The following CENPC variants were observed in gnomAD, a reference collection of about 807,000 sequenced individuals.
CENPC encodes the protein centromere protein C, also known as CENP-C 1.
CENPC carries 63 observed loss-of-function variants against 112.1 expected under a neutral mutation model. That is an observed-to-expected ratio of 0.56 (90% CI 0.46 to 0.69). The LOEUF (loss-of-function observed/expected upper bound fraction) is 0.69. Ranked by LOEUF, CENPC falls within the 30% of genes least tolerant of loss-of-function variation. CENPC has a pLI of 0.00. For synonymous variants in CENPC, 333 were observed against 367.6 expected (o/e 0.91, Z 1.08); for missense variants, 1,000 against 1,103.8 (o/e 0.91, Z 1.33).
chr4:67,540,477 T>C (rs1726856693), intron 3 of CENPC, among the ~76,000 whole-genome samples: 1 of 152,160 alleles, frequency 6.6e-6, no homozygotes, highest in Non-Finnish European at 1.5e-5. Context: ...GAGACCAGAC[T>C]AGCCAACATG....
chr4:67,504,386 G>T (rs1725678045), intron 12 of CENPC, among the ~76,000 whole-genome samples: 1 of 151,534 alleles, frequency 6.6e-6, no homozygotes, highest in Non-Finnish European at 1.5e-5. Flanking sequence ...TAATGACGGG[G>T]GAAAAATTAA....
chr4:67,482,853 T>C (rs989770487), intron 17 of CENPC, among the ~76,000 whole-genome samples: 1 of 151,992 alleles, frequency 6.6e-6, no homozygotes, highest in Non-Finnish European at 1.5e-5. Context: ...AAATAAATAA[T>C]CTCTTGTAAT....
intron 18 of CENPC, 144 bp from the exon 19 acceptor site, chr4:67,472,819 C>A: frequency 1.0e-6 from 1 of 980,822 alleles, no homozygotes; most frequent in Non-Finnish European, 1.3e-6. Flanking sequence ...TATTTAATTC[C>A]ATGAACTACA....
At chr4:67,521,204 C>CAAAAAAAAAAAAAAAAA (rs71219050) in intron 5 of CENPC, among the ~76,000 whole-genome samples, 2 of 131,454 alleles carry the variant, frequency 1.5e-5, no homozygotes, top group Non-Finnish European at 3.2e-5. Flanking sequence ...CAAAACAAAC[C>CAAAAAAAAAAAAAAAAA]AAAAAAAAAA....
intron 17 of CENPC, among the ~76,000 whole-genome samples, chr4:67,486,973 T>G (rs1217170030): frequency 2.0e-5 from 3 of 149,582 alleles, no homozygotes; most frequent in Admixed American, 6.7e-5. Context: ...TTTAGGTTTT[T>G]TTTTTTTTTT....
chr4:67,524,867 A>C (rs1726328823), intron 5 of CENPC, among the ~76,000 whole-genome samples: 1 of 152,226 alleles, frequency 6.6e-6, no homozygotes, highest in Non-Finnish European at 1.5e-5. Flanking sequence ...CCATATAGCC[A>C]AGACAATCCT....
chr4:67,531,231 C>T (rs905535054), intron 4 of CENPC, among the ~76,000 whole-genome samples: 7 of 151,720 alleles, frequency 4.6e-5, no homozygotes, highest in East Asian at 1.9e-4. Flanking sequence ...ATATTACATA[C>T]GTAACAATGG....
intron 5 of CENPC, among the ~76,000 whole-genome samples, chr4:67,523,249 G>A (rs1726279773): frequency 6.6e-6 from 1 of 152,132 alleles, no homozygotes; most frequent in Non-Finnish European, 1.5e-5. Context: ...GGAGTCAGAA[G>A]TTGCAGTGAG....
At chr4:67,537,252 A>C (rs1006708546) in intron 4 of CENPC, among the ~76,000 whole-genome samples, 15 of 152,220 alleles carry the variant, frequency 9.9e-5, no homozygotes, top group African/African-American at 3.1e-4. Flanking sequence ...TGAAACTATT[A>C]AGTAAAATCT....
intron 12 of CENPC, among the ~76,000 whole-genome samples, chr4:67,499,779 C>T (rs184561947): frequency 1.3e-5 from 2 of 152,322 alleles, no homozygotes; most frequent in African/African-American, 2.4e-5. Context: ...TGGACTATCT[C>T]GGTTTCTGAC....
chr4:67,544,126 A>C, intron 2 of CENPC, 23 bp downstream of exon 2: 1 of 1,295,630 alleles, frequency 7.7e-7, no homozygotes, highest in Non-Finnish European at 1.1e-6. Flanking sequence ...AAATAATCTT[A>C]AAAGCTTAAG....
At position 67,506,852 on chromosome 4, in the gene CENPC, A is replaced by G. The variant is rs375316333; in HGVS notation, c.1987T>C (p.Cys663Arg). 5 of 1,612,376 alleles carry G rather than the reference A, an allele frequency of 3.1e-6. No homozygotes were observed. The highest frequency in any genetic ancestry group is 4.2e-6 in the Non-Finnish European group (5 of 1,178,960). Reference protein sequence around the residue: ...PLKPQTSGYTCNIPTESNLDS... With the variant: ...PLKPQTSGYTRNIPTESNLDS... ...AAGTTTGACTCTGTTGGTATATTAC[A>G]TGTATATCCACTGGTCTGAGGCTTT... is the stretch of plus-strand genomic sequence containing the variant. The change falls in exon 11 of 19, where the codon TGT (cysteine) becomes CGT (arginine). Residue 663 changes from cysteine to arginine, a missense_variant. Physicochemically the swap from Cys to Arg is radical, Grantham distance 180 (BLOSUM62 -3). Transcript: ENST00000273853.
In CENPC at chr4:67,514,331, C is replaced by T. The variant is rs1725988094; in HGVS notation, c.1187G>A (p.Arg396Lys). The change falls in exon 8 of 19, where the codon AGA (arginine) becomes AAA (lysine). Residue 396 changes from arginine to lysine, a missense_variant. Physicochemically the swap from Arg to Lys is conservative, Grantham distance 26. Transcript: ENST00000273853. Reference protein sequence around the residue: ...ALIGETVNNYRSTKYEMYSKN... With the variant: ...ALIGETVNNYKSTKYEMYSKN... ...GGAATACATTTCATATTTTGTAGAT[C>T]TATAATTATTTACTGTTTCACCTAT... The T allele has an allele frequency of 2.5e-6, 4 of 1,611,434 alleles. No individual in the cohort carries two copies. Among genetic ancestry groups the T allele is most frequent in the Non-Finnish European group, 2.5e-6 (3 of 1,178,340 alleles).
chr4:67,497,547 TTTTGAGAC>T (rs1195865781), intron 12 of CENPC, among the ~76,000 whole-genome samples: 1 of 152,150 alleles, frequency 6.6e-6, no homozygotes, highest in Non-Finnish European at 1.5e-5. Flanking sequence ...TGTTTTGGTT[TTTTGAGAC>T]TAAGTCTCAC....
Position 67,480,078 on chromosome 4 carries a change from G to C in CENPC, c.2671-5100C>G, listed in dbSNP as rs140551202. Among the ~76,000 whole-genome samples the C allele has an allele frequency of 3.9e-3, 599 of 152,340 alleles. 3 individuals carry two copies. The highest frequency in any genetic ancestry group is 0.014 in the African/African-American group (564 of 41,582). On this transcript the variant is annotated intron_variant, in intron 17 of 18. Coordinates refer to ENST00000273853, the MANE Select transcript of CENPC (RefSeq NM_001812.4). ...CTGATGCCTGTAATCCCAACACTTTGGGAGGCTGAGGCAGGTGGATTGCCT... is the reference window on the plus strand; with the variant it reads ...CTGATGCCTGTAATCCCAACACTTTCGGAGGCTGAGGCAGGTGGATTGCCT...
intron 4 of CENPC, among the ~76,000 whole-genome samples, chr4:67,538,539 G>C (rs1445531982): frequency 1.3e-5 from 2 of 152,176 alleles, no homozygotes; most frequent in South Asian, 2.1e-4. Flanking sequence ...TGACACACAG[G>C]GGAAATCCTC....
At chr4:67,488,338 A>G (rs1560421712) in intron 17 of CENPC, among the ~76,000 whole-genome samples, 1 of 152,032 alleles carries the variant, frequency 6.6e-6, no homozygotes. Context: ...GTCAAAATTA[A>G]AATATAACCA....
At chr4:67,518,771 T>C (rs1726133227) in intron 6 of CENPC, among the ~76,000 whole-genome samples, 1 of 152,116 alleles carries the variant, frequency 6.6e-6, no homozygotes, top group African/African-American at 2.4e-5. Context: ...GATCTCCAAA[T>C]GCAAAAGACC....
rs1333480607 is a variant in CENPC at position 67,514,755 on chromosome 4, T to G, written c.831-68A>C. The G allele has an allele frequency of 2.2e-6, 3 of 1,393,876 alleles. No homozygotes were observed. The Admixed American group carries it at 8.2e-5, about 38-fold the overall frequency. The allele number at this position is 1,393,876 out of a possible 1,614,324, so 86.3% of individuals were successfully genotyped here. On this transcript the variant is annotated intron_variant, in intron 7 of 18. Transcript: ENST00000273853. ...TTTTATATTTGTTTAGTAAAGAAAA[T>G]AATCTAGGAAATAAAATCTAAATTT...
Sources: gnomAD v4.1 joint callset for allele counts (sites outside exome capture counted in the v4.1 genomes callset) on GRCh38, gnomAD v4.1.1 for gene constraint, MANE v1.5 for transcripts, NCBI Gene and HGNC (gene_info 2026-07-23, HGNC 2026-07-21) for gene names.